The following PFKFB2 variants were observed in gnomAD, a reference collection of about 807,000 sequenced individuals.
PFKFB2 encodes 6-phosphofructo-2-kinase/fructose-2,6-biphosphatase 2.
In PFKFB2, 53 loss-of-function variants were observed where a neutral mutation model predicts 68.0. That is an observed-to-expected ratio of 0.78 (90% CI 0.63 to 0.98). The LOEUF (loss-of-function observed/expected upper bound fraction) is 0.98, where lower values mean the gene tolerates loss of function less well. Ranked by LOEUF, PFKFB2 falls within the 50% of genes least tolerant of loss-of-function variation. PFKFB2 has a pLI of 0.00. For synonymous variants in PFKFB2, 222 were observed against 227.6 expected (o/e 0.98, Z 0.22); for missense variants, 451 against 642.0 (o/e 0.70, Z 3.22).
In PFKFB2 at chr1:207,058,012, T is replaced by G. The variant is rs914962255; in HGVS notation, c.85+3210T>G. 2.0e-5 allele frequency among the ~76,000 whole-genome samples: 3 copies of G among 152,238 alleles called. No individual in the cohort carries two copies. The East Asian group carries it at 5.8e-4, about 29-fold the overall frequency. ...AGAAAAGATAGACACATTGGAAATG[T>G]TCATCAGTATTACTAATTTGCTCTC... On this transcript the variant is annotated intron_variant, in intron 2 of 14. Coordinates refer to ENST00000367080, the MANE Select transcript of PFKFB2 (RefSeq NM_006212.2).
In PFKFB2 at chr1:207,073,857, G is replaced by T. The variant is rs1165087845; in HGVS notation, c.*1486G>T. On this transcript the variant is annotated 3_prime_UTR_variant, in exon 15 of 15. Transcript: ENST00000367080. ...ATGTTTTTCTGAGAGGCAAGTTTAG[G>T]GTTCTCATGGGATTTTAAAAAGAGA... is the stretch of plus-strand genomic sequence containing the variant. The T allele has an allele frequency of 3.0e-6, 3 of 985,208 alleles. No homozygotes were observed. In the African/African-American group the frequency reaches 5.2e-5, roughly 17 times the overall value. 61.0% of individuals were successfully genotyped at this position (985,208 alleles called of 1,614,324 possible). A position where few individuals can be genotyped will look rare whatever the true frequency, so the allele number is the denominator to read the frequency against.
upstream of PFKFB2, chr1:207,048,712 C>T (rs1682657674): frequency 3.6e-6 from 1 of 279,088 alleles, no homozygotes; most frequent in South Asian, 6.0e-5. Context: ...GTTAAAGCTG[C>T]TGGGTGCTAG....
At chr1:207,054,521 T>G (rs1682857967) in intron 1 of PFKFB2, among the ~76,000 whole-genome samples, 180 bp from the exon 2 acceptor site, 1 of 152,202 alleles carries the variant, frequency 6.6e-6, no homozygotes, top group Admixed American at 6.5e-5. Context: ...GCAACTCTTT[T>G]TATAGGTGAG....
upstream of PFKFB2, chr1:207,051,039 G>T: frequency 6.7e-7 from 1 of 1,491,330 alleles, no homozygotes. Context: ...ATCGCGAGAA[G>T]TTGCGGGTGG....
At chr1:207,060,093 A>C (rs1007460330) in intron 2 of PFKFB2, among the ~76,000 whole-genome samples, 2 of 152,182 alleles carry the variant, frequency 1.3e-5, no homozygotes, top group Non-Finnish European at 2.9e-5. Context: ...GGCTGGCAGC[A>C]GTTCAGGTCC....
rs557309796 is a variant in PFKFB2 at position 207,077,066 on chromosome 1, T to G, written c.*4695T>G. 2.0e-6 allele frequency: 2 copies of G among 985,170 alleles called. No homozygotes were observed. The highest frequency in any genetic ancestry group is 6.1e-5 in the Admixed American group (1 of 16,290). The allele number at this position is 985,170 out of a possible 1,614,324, so 61.0% of individuals were successfully genotyped here. A position where few individuals can be genotyped will look rare whatever the true frequency, so the allele number is the denominator to read the frequency against. On this transcript the variant is annotated 3_prime_UTR_variant, in exon 15 of 15. Transcript: ENST00000367080. ...ACAAGATAAAGGTTATGCATCACTT[T>G]TATGGTATTTTGTGAACTCAGCTAA...
intron 1 of PFKFB2, among the ~76,000 whole-genome samples, chr1:207,037,352 T>A (rs1352358034): frequency 6.6e-6 from 1 of 152,230 alleles, no homozygotes; most frequent in Non-Finnish European, 1.5e-5. Flanking sequence ...AACTTTTAAA[T>A]GCTAGTTCTT....
chr1:207,061,991 G>A lies in PFKFB2; in HGVS notation c.124G>A (p.Val42Ile), dbSNP rs779520683. 1.1e-5 allele frequency: 17 copies of A among 1,614,038 alleles called. No homozygotes were observed. Among genetic ancestry groups the A allele is most frequent in the Admixed American group, 5.0e-5 (3 of 60,000 alleles). Residue 42 changes from valine to isoleucine, a missense_variant, in exon 3 of 15, where the codon GTT becomes ATT. Physicochemically the swap from Val to Ile is conservative, Grantham distance 29. Coordinates refer to ENST00000367080, the MANE Select transcript of PFKFB2 (RefSeq NM_006212.2). ...CATGACCAACTCCCCGACTCTGATC[G>A]TTATGATTGGTTTGCCAGCCCGGGG... ...SYMTNSPTLIVMIGLPARGKT... is the reference protein window; with the variant it reads ...SYMTNSPTLIIMIGLPARGKT...
At chr1:207,050,975 G>A (rs530167183), upstream of PFKFB2, 7 of 1,541,882 alleles carry the variant, frequency 4.5e-6, no homozygotes, top group Admixed American at 1.4e-4. Flanking sequence ...GACGCCGCCG[G>A]GGAAACCAGG....
downstream of PFKFB2, chr1:207,078,883 C>G: frequency 2.3e-6 from 3 of 1,291,448 alleles, no homozygotes; most frequent in Non-Finnish European, 1.1e-6. Flanking sequence ...GGGAAGGATT[C>G]TGTTCTACTT....
chr1:207,078,837 G>T (rs1683695230), downstream of PFKFB2: 5 of 795,080 alleles, frequency 6.3e-6, no homozygotes, highest in South Asian at 5.7e-5. Flanking sequence ...GTGTATGGAT[G>T]TGGGGATGGG....
At chr1:207,062,148 A>T in intron 3 of PFKFB2, 70 bp downstream of exon 3, 2 of 1,602,060 alleles carry the variant, frequency 1.2e-6, no homozygotes, top group Middle Eastern at 3.3e-4. Context: ...TGGGAGACTT[A>T]TTCTTCCTGG....
chr1:207,061,835 T>G (rs974443365), intron 2 of PFKFB2, 118 bp from the exon 3 acceptor site: 12 of 847,874 alleles, frequency 1.4e-5, no homozygotes, highest in Middle Eastern at 2.3e-4. Context: ...TGAGCTGAGA[T>G]CACGCCACTG....
At position 207,044,752 on chromosome 1, in the gene PFKFB2, T is replaced by C. The variant is rs566107429; in HGVS notation, c.-18+2540T>C. 8 of 152,632 alleles carry C rather than the reference T, an allele frequency of 5.2e-5. No individual in the cohort carries two copies. In the East Asian group the frequency reaches 1.5e-3, roughly 29 times the overall value. 9.5% of individuals were successfully genotyped at this position (152,632 alleles called of 1,614,324 possible). On this transcript the variant is annotated intron_variant, in intron 2 of 5. Transcript: ENST00000545806. The stretch of plus-strand genomic sequence containing the variant: ...AAAATGTTTGGAAAAGGGTAATTCA[T>C]GACTAGGAATGCATCTATTTGACAA...
rs1683540705 is a variant in PFKFB2, at chr1:207,073,832, A to G, written c.*1461A>G. ...GCATGCAAAATGTACGAATATATGT[A>G]TGTTTTTCTGAGAGGCAAGTTTAGG... On this transcript the variant is annotated 3_prime_UTR_variant, in exon 15 of 15. Coordinates refer to ENST00000367080, the MANE Select transcript of PFKFB2 (RefSeq NM_006212.2). The G allele has an allele frequency of 2.0e-6, 2 of 985,302 alleles. No individual in the cohort carries two copies. The highest frequency in any genetic ancestry group is 1.2e-6 in the Non-Finnish European group (1 of 829,910). 61.0% of individuals were successfully genotyped at this position (985,302 alleles called of 1,614,324 possible).
At chr1:207,068,427 A>T (rs1353639301) in intron 10 of PFKFB2, 118 bp downstream of exon 10, 5 of 867,152 alleles carry the variant, frequency 5.8e-6, no homozygotes, top group African/African-American at 5.1e-5. Flanking sequence ...AAAAACTCTG[A>T]GGAAGCTGAC....
At position 207,066,075 on chromosome 1, in the gene PFKFB2, C is replaced by A. The variant is rs1472066523; in HGVS notation, c.632+915C>A. On this transcript the variant is annotated intron_variant, in intron 8 of 14. Transcript: ENST00000367080. ...ATATTGCATATTTTTATATCTATCT[C>A]TCTCTATATATAACATGCAAAGCCC... 2.0e-5 allele frequency among the ~76,000 whole-genome samples: 3 copies of A among 152,120 alleles called. No individual in the cohort carries two copies. In the East Asian group the frequency reaches 5.8e-4, roughly 29 times the overall value.
At chr1:207,079,886 G>C (rs1314795293), downstream of PFKFB2, 1 of 152,266 alleles carries the variant, frequency 6.6e-6, no homozygotes, top group Non-Finnish European at 1.5e-5. Context: ...CTTCAGAACA[G>C]GTGGAAGGAG....
In PFKFB2 at chr1:207,074,499, G is replaced by T. The variant is rs1683566585; in HGVS notation, c.*2128G>T. On this transcript the variant is annotated 3_prime_UTR_variant, in exon 15 of 15. Transcript: ENST00000367080. ...AGACCCTGCCAGGATGATAAAGGTT[G>T]TCATCACTGGCAACTGACTCCTGAC... The T allele has an allele frequency of 1.0e-6, 1 of 985,404 alleles. No homozygotes were observed. The highest frequency in any genetic ancestry group is 1.2e-6 in the Non-Finnish European group (1 of 829,906). 61.0% of individuals were successfully genotyped at this position (985,404 alleles called of 1,614,324 possible). A position where few individuals can be genotyped will look rare whatever the true frequency, so the allele number is the denominator to read the frequency against.
Sources: allele counts gnomAD v4.1 joint callset (sites outside exome capture counted in the v4.1 genomes callset), GRCh38; gene constraint gnomAD v4.1.1; transcripts MANE v1.5; gene names NCBI Gene and HGNC (gene_info 2026-07-23, HGNC 2026-07-21).